The following SLC25A21 variants were observed in gnomAD, a reference collection of about 807,000 sequenced individuals.
SLC25A21 encodes the protein solute carrier family 25 member 21, also known as mitochondrial 2-oxodicarboxylate carrier.
In SLC25A21, 47 loss-of-function variants were observed where a neutral mutation model predicts 43.8. The ratio of observed to expected loss-of-function variants is 1.07; its 90% CI spans 0.85 to 1.37. SLC25A21 has a LOEUF of 1.37. Among genes scored for constraint, SLC25A21 ranks in the 40% most tolerant of loss-of-function variants. The pLI is 0.00. For synonymous variants in SLC25A21, 131 were observed against 121.3 expected (o/e 1.08, Z -0.52); for missense variants, 352 against 350.2 (o/e 1.00, Z -0.04).
intron 1 of SLC25A21, among the ~76,000 whole-genome samples, chr14:36,937,446 G>A (rs1286195064): frequency 6.6e-6 from 1 of 152,188 alleles, no homozygotes; most frequent in East Asian, 1.9e-4. Context: ...CAACATAGTA[G>A]AGAGTGACAT....
chr14:36,930,534 T>C (rs1160118903), intron 1 of SLC25A21, among the ~76,000 whole-genome samples: 1 of 152,108 alleles, frequency 6.6e-6, no homozygotes, highest in African/African-American at 2.4e-5. Context: ...CTTATATCGA[T>C]CTGTAACTTC....
intron 1 of SLC25A21, among the ~76,000 whole-genome samples, chr14:37,126,254 AG>A (rs1963295410): frequency 6.6e-6 from 1 of 152,140 alleles, no homozygotes; most frequent in Non-Finnish European, 1.5e-5. Context: ...CACTGAGATT[AG>A]ATCAACAGTA....
At chr14:36,811,950 C>A (rs1421206569) in intron 3 of SLC25A21, among the ~76,000 whole-genome samples, 1 of 151,922 alleles carries the variant, frequency 6.6e-6, no homozygotes, top group Non-Finnish European at 1.5e-5. Flanking sequence ...CTTTAAAAAT[C>A]ACAAATTTCT....
At chr14:37,087,619 A>C (rs192505298) in intron 1 of SLC25A21, among the ~76,000 whole-genome samples, 27 of 152,252 alleles carry the variant, frequency 1.8e-4, no homozygotes, top group African/African-American at 6.5e-4. Context: ...TTTCTCGCTC[A>C]TCTAGATATT....
intron 1 of SLC25A21, among the ~76,000 whole-genome samples, chr14:36,949,897 T>C (rs964405606): frequency 3.9e-5 from 6 of 152,182 alleles, no homozygotes; most frequent in African/African-American, 1.2e-4. Flanking sequence ...GGGAAGGGGC[T>C]CTGGACACAT....
chr14:37,034,887 C>A (rs559714350), intron 1 of SLC25A21, among the ~76,000 whole-genome samples: 1 of 152,188 alleles, frequency 6.6e-6, no homozygotes, highest in Non-Finnish European at 1.5e-5. Context: ...AGGGCCTAAC[C>A]GTATTGCTGA....
intron 1 of SLC25A21, among the ~76,000 whole-genome samples, chr14:36,938,206 C>T (rs1231571734): frequency 2.0e-5 from 3 of 152,100 alleles, no homozygotes; most frequent in Non-Finnish European, 4.4e-5. Flanking sequence ...CATCTTTCTT[C>T]GAGAAGCCTT....
intron 6 of SLC25A21, among the ~76,000 whole-genome samples, chr14:36,719,501 G>A (rs758904633): frequency 4.1e-4 from 63 of 152,284 alleles, no homozygotes; most frequent in East Asian, 7.7e-4. Flanking sequence ...ACCAGAGCAT[G>A]ACAAAGCTAT....
chr14:36,889,487 T>C (rs778723197), intron 1 of SLC25A21, among the ~76,000 whole-genome samples: 1 of 152,128 alleles, frequency 6.6e-6, no homozygotes, highest in Non-Finnish European at 1.5e-5. Flanking sequence ...AATCAATTAA[T>C]TAATTTGATT....
intron 1 of SLC25A21, among the ~76,000 whole-genome samples, chr14:37,016,382 G>A (rs1960856675): frequency 6.6e-6 from 1 of 152,100 alleles, no homozygotes; most frequent in Non-Finnish European, 1.5e-5. Flanking sequence ...TGAGGGCTCT[G>A]TTCTGTTCTG....
intron 8 of SLC25A21, among the ~76,000 whole-genome samples, 166 bp from the exon 9 acceptor site, chr14:36,684,046 G>A (rs1882416814): frequency 1.3e-5 from 2 of 152,150 alleles, no homozygotes; most frequent in African/African-American, 4.8e-5. Context: ...AACTGGATGC[G>A]GGGAAAGAGT....
At chr14:36,871,422 G>A (rs1051192616) in intron 2 of SLC25A21, among the ~76,000 whole-genome samples, 1 of 152,132 alleles carries the variant, frequency 6.6e-6, no homozygotes, top group Non-Finnish European at 1.5e-5. Context: ...CCCAGTTTAT[G>A]ATATTTTGTT....
At chr14:36,845,347 G>T (rs1889508810) in intron 2 of SLC25A21, among the ~76,000 whole-genome samples, 1 of 152,158 alleles carries the variant, frequency 6.6e-6, no homozygotes, top group African/African-American at 2.4e-5. Flanking sequence ...CAGAGCATGT[G>T]AAAAAACTGG....
intron 3 of SLC25A21, among the ~76,000 whole-genome samples, chr14:36,812,172 T>C (rs1009174076): frequency 6.6e-6 from 1 of 152,174 alleles, no homozygotes; most frequent in Non-Finnish European, 1.5e-5. Context: ...TCAATTCCAG[T>C]AACATTCAAA....
At chr14:36,798,395 C>T (rs1165521829) in intron 3 of SLC25A21, among the ~76,000 whole-genome samples, 1 of 152,072 alleles carries the variant, frequency 6.6e-6, no homozygotes, top group Non-Finnish European at 1.5e-5. Context: ...ATTGGAAATG[C>T]AAATGTATTT....
chr14:36,745,758 G>C (rs142731142), intron 3 of SLC25A21, among the ~76,000 whole-genome samples: 6,657 of 152,040 alleles, frequency 0.044, 470 homozygotes, highest in African/African-American at 0.15. Flanking sequence ...TTTGTCAGAT[G>C]GATAGATTGC....
chr14:36,819,899 T>C lies in SLC25A21; in HGVS notation c.120-5898A>G, dbSNP rs567008490. On this transcript the variant is annotated intron_variant, in intron 2 of 9. Coordinates refer to ENST00000331299, the MANE Select transcript of SLC25A21 (RefSeq NM_030631.4). ...CACTTACTTTTGCACCAACCTAATA[T>C]AACTTATATATTCCTATCTTTATAT... is the stretch of plus-strand genomic sequence containing the variant. 5.0e-3 allele frequency among the ~76,000 whole-genome samples: 756 copies of C among 152,338 alleles called. 2 individuals carry two copies. Among genetic ancestry groups the C allele is most frequent in the Non-Finnish European group, 8.2e-3 (559 of 68,038 alleles).
intron 1 of SLC25A21, among the ~76,000 whole-genome samples, chr14:36,990,724 C>A (rs1357715344): frequency 6.6e-6 from 1 of 151,930 alleles, no homozygotes; most frequent in Non-Finnish European, 1.5e-5. Context: ...GAAAAATAAA[C>A]AAAATTAGCT....
chr14:36,955,084 T>A (rs1639399333), intron 1 of SLC25A21, among the ~76,000 whole-genome samples: 2 of 152,212 alleles, frequency 1.3e-5, no homozygotes, highest in Non-Finnish European at 2.9e-5. Flanking sequence ...CTGTCTGATG[T>A]GTCTTTGTAC....
Sources: gnomAD v4.1 joint callset for allele counts (sites outside exome capture counted in the v4.1 genomes callset) on GRCh38, gnomAD v4.1.1 for gene constraint, MANE v1.5 for transcripts, NCBI Gene and HGNC (gene_info 2026-07-23, HGNC 2026-07-21) for gene names.